C8orf34: variants seen among roughly 807,000 people sequenced by gnomAD.
C8orf34 encodes chromosome 8 open reading frame 34, also known as uncharacterized protein C8orf34.
In C8orf34, 65 loss-of-function variants were observed where a neutral mutation model predicts 68.3. That is an observed-to-expected ratio of 0.95 (90% confidence interval 0.78 to 1.17). C8orf34 has a LOEUF of 1.17. Among genes scored for constraint, C8orf34 ranks in the 50% most tolerant of loss-of-function variants. C8orf34 has a pLI of 0.00. For synonymous variants in C8orf34, 244 were observed against 241.2 expected, an observed-to-expected ratio of 1.01 and a Z score of -0.11; for missense variants, 664 against 655.4, an observed-to-expected ratio of 1.01 and a Z score of -0.14.
Position 68,571,886 on chromosome 8 carries a change from GC to G in C8orf34, c.1105+38738del, listed in dbSNP as rs549803647. Among the ~76,000 whole-genome samples the G allele has an allele frequency of 5.0e-3, 754 of 152,184 alleles. 22 individuals are homozygous for G. The highest frequency in any genetic ancestry group is 9.3e-4 in the Non-Finnish European group (63 of 68,012). ...AAAATAATATATATAGTTATGTGTT[GC>G]TTAACAATGGGGATGCATTCTGAGA... On this transcript the variant is annotated intron_variant, in intron 7 of 13. Coordinates refer to ENST00000518698, the MANE Select transcript of C8orf34 (RefSeq NM_052958.4).
chr8:68,527,137 A>G (rs929253914), intron 6 of C8orf34, among the ~76,000 whole-genome samples: 10 of 152,116 alleles, frequency 6.6e-5, no homozygotes, highest in Admixed American at 2.6e-4. Context: ...TTGATGTGGG[A>G]TATTATGGCT....
At chr8:68,497,597 T>C (rs1813580471) in intron 5 of C8orf34, among the ~76,000 whole-genome samples, 2 of 151,606 alleles carry the variant, frequency 1.3e-5, no homozygotes, top group African/African-American at 4.9e-5. Context: ...AACAAAAGAG[T>C]AGAAAAACCA....
At chr8:68,649,854 C>A (rs55994036) in intron 8 of C8orf34, among the ~76,000 whole-genome samples, 2,389 of 151,984 alleles carry the variant, frequency 0.016, 26 homozygotes, top group Non-Finnish European at 0.025. Context: ...GAAAAAAAAA[C>A]CTCTGTAGAC....
At chr8:68,632,836 G>A (rs759909249) in intron 7 of C8orf34, among the ~76,000 whole-genome samples, 9 of 152,150 alleles carry the variant, frequency 5.9e-5, no homozygotes, top group Admixed American at 2.0e-4. Flanking sequence ...CTGCTGCTGT[G>A]CAAAAGACGA....
intron 1 of C8orf34, among the ~76,000 whole-genome samples, chr8:68,430,900 A>G (rs1374928099): frequency 6.6e-6 from 1 of 152,178 alleles, no homozygotes; most frequent in Middle Eastern, 3.2e-3. Context: ...AGGAAACAAA[A>G]TAGGAAGACA....
chr8:68,530,650 G>A (rs1815204862), intron 6 of C8orf34: 2 of 1,196,640 alleles, frequency 1.7e-6, no homozygotes, highest in South Asian at 3.1e-5. Context: ...AGAGACTGAA[G>A]CTAAATAAAC....
chr8:68,468,750 T>G lies in C8orf34; in HGVS notation c.666T>G (p.Asp222Glu). 3 of 1,612,792 alleles carry G rather than the reference T, an allele frequency of 1.9e-6. No homozygotes were observed. The highest frequency in any genetic ancestry group is 2.5e-6 in the Non-Finnish European group (3 of 1,179,212). The change falls in exon 4 of 14, where the codon GAT becomes GAG. Residue 222 changes from aspartate (D) to glutamate (E), a missense_variant. Asp to Glu is a conservative substitution (Grantham distance 45). Coordinates refer to ENST00000518698, the MANE Select transcript of C8orf34 (RefSeq NM_052958.4). ...WNWRTKPQSR[D>E]FDELNHILQE... ...GGAGGACTAAACCACAAAGCCGTGA[T>G]TTTGATGAATTGAATCACATCCTTC...
chr8:68,576,485 T>C (rs942763243), intron 7 of C8orf34, among the ~76,000 whole-genome samples: 4 of 151,668 alleles, frequency 2.6e-5, no homozygotes, highest in African/African-American at 9.7e-5. Context: ...CGCCAGTTCT[T>C]AGTTACTTTT....
At chr8:68,537,805 T>C (rs1457813115) in intron 7 of C8orf34, among the ~76,000 whole-genome samples, 2 of 152,152 alleles carry the variant, frequency 1.3e-5, no homozygotes, top group African/African-American at 2.4e-5. Flanking sequence ...TTTTGTTTTT[T>C]TCAGCAAAAT....
At chr8:68,646,154 T>A (rs1819165817) in intron 8 of C8orf34, among the ~76,000 whole-genome samples, 1 of 152,148 alleles carries the variant, frequency 6.6e-6, no homozygotes, top group Non-Finnish European at 1.5e-5. Context: ...GTGGCCCTTA[T>A]GATGGGTGAG....
chr8:68,599,761 A>C (rs1006681599), intron 7 of C8orf34, among the ~76,000 whole-genome samples: 1 of 152,036 alleles, frequency 6.6e-6, no homozygotes, highest in Non-Finnish European at 1.5e-5. Flanking sequence ...TGTGAAATAT[A>C]CCTGTTGTAA....
chr8:68,626,648 T>A (rs1818545377), intron 7 of C8orf34, among the ~76,000 whole-genome samples: 1 of 152,170 alleles, frequency 6.6e-6, no homozygotes, highest in Admixed American at 6.6e-5. Context: ...GATTATTAGG[T>A]TTATGGCCAA....
At chr8:68,445,718 C>T (rs145830994) in intron 2 of C8orf34, among the ~76,000 whole-genome samples, 1 of 152,024 alleles carries the variant, frequency 6.6e-6, no homozygotes, top group Non-Finnish European at 1.5e-5. Flanking sequence ...AACAGAATAC[C>T]ATGCTTTATT....
intron 8 of C8orf34, among the ~76,000 whole-genome samples, chr8:68,708,365 A>T (rs1288603319): frequency 6.6e-6 from 1 of 152,250 alleles, no homozygotes; most frequent in Non-Finnish European, 1.5e-5. Context: ...ATGGCTGAGA[A>T]TTATAACATT....
intron 7 of C8orf34, among the ~76,000 whole-genome samples, chr8:68,639,467 T>G (rs767903555): frequency 4.6e-5 from 7 of 152,044 alleles, no homozygotes; most frequent in African/African-American, 7.2e-5. Flanking sequence ...TCCTCCTGAT[T>G]GTTTTTTGAG....
At chr8:68,601,245 C>T (rs1041206691) in intron 7 of C8orf34, among the ~76,000 whole-genome samples, 4 of 151,984 alleles carry the variant, frequency 2.6e-5, no homozygotes, top group African/African-American at 7.3e-5. Flanking sequence ...TTGGGGTTTA[C>T]ACTATTTGGG....
intron 8 of C8orf34, among the ~76,000 whole-genome samples, chr8:68,658,929 T>C (rs1012152803): frequency 6.6e-6 from 1 of 152,154 alleles, no homozygotes; most frequent in African/African-American, 2.4e-5. Flanking sequence ...ATAACCTCCT[T>C]ATAGGTGTAA....
intron 8 of C8orf34, among the ~76,000 whole-genome samples, chr8:68,661,573 G>T (rs79510586): frequency 0.063 from 9,566 of 152,232 alleles, 335 homozygotes; most frequent in Middle Eastern, 0.11. Flanking sequence ...CAGGCTGCCG[G>T]TTGCCCCCTT....
At chr8:68,726,682 G>A (rs918065765) in intron 10 of C8orf34, among the ~76,000 whole-genome samples, 10 of 152,158 alleles carry the variant, frequency 6.6e-5, no homozygotes, top group Admixed American at 2.0e-4. Flanking sequence ...CATGGGTGGG[G>A]AGAGCTCCGA....
Sources: gnomAD v4.1 joint callset for allele counts (sites outside exome capture counted in the v4.1 genomes callset) on GRCh38, gnomAD v4.1.1 for gene constraint, MANE v1.5 for transcripts, NCBI Gene and HGNC (gene_info 2026-07-23, HGNC 2026-07-21) for gene names.